VRK2: variants seen among roughly 807,000 people sequenced by gnomAD.
The protein encoded by VRK2 is VRK serine/threonine kinase 2.
Under a neutral mutation model 57.6 loss-of-function variants are expected in VRK2, and 60 were observed. The observed-to-expected ratio is 1.04, with a 90% CI of 0.85 to 1.29. The LOEUF (loss-of-function observed/expected upper bound fraction) is 1.29, where lower values mean the gene tolerates loss of function less well. VRK2 is among the 50% of genes most tolerant of loss of function. VRK2 has a pLI of 0.00. For missense variants in VRK2, 705 were observed against 588.1 expected (o/e 1.20, Z -2.06); for synonymous variants, 231 against 199.2 (o/e 1.16, Z -1.35).
rs1002845192 is a variant in VRK2, at chr2:57,917,833, G to C, written c.-439+9994G>C. Among the ~76,000 whole-genome samples the C allele has an allele frequency of 7.9e-5, 12 of 152,064 alleles. No individual in the cohort carries two copies. The East Asian group carries it at 1.2e-3, about 15-fold the overall frequency. On this transcript the variant is annotated intron_variant, in intron 1 of 15. Coordinates refer to the VRK2 transcript ENST00000417641. The stretch of plus-strand genomic sequence containing the variant: ...CCTATAATATAAAGATCTTTCATAT[G>C]ATAAAGTTTTCTTTATAAAGAGAGA...
At chr2:58,035,167 A>C (rs1363861344) in intron 3 of VRK2, among the ~76,000 whole-genome samples, 1 of 152,046 alleles carries the variant, frequency 6.6e-6, no homozygotes, top group African/African-American at 2.4e-5. Context: ...AAATGCCCCC[A>C]AAGTTTCCTG....
intron 1 of VRK2, among the ~76,000 whole-genome samples, chr2:57,984,295 T>TA (rs1224435701): frequency 6.6e-6 from 1 of 151,554 alleles, no homozygotes; most frequent in Admixed American, 6.6e-5. Context: ...CAAACAACAA[T>TA]AAAAAACACT....
chr2:58,026,059 G>C (rs1432391939), intron 2 of VRK2, among the ~76,000 whole-genome samples: 1 of 152,110 alleles, frequency 6.6e-6, no homozygotes, highest in Non-Finnish European at 1.5e-5. Context: ...TCTACTGGGG[G>C]ATTTTAATAC....
At chr2:57,927,036 C>A (rs1165585905) in intron 1 of VRK2, among the ~76,000 whole-genome samples, 4 of 80,732 alleles carry the variant, frequency 5.0e-5, no homozygotes, top group East Asian at 3.7e-4. Context: ...GTGTGTCTGT[C>A]GTATTTTTTT....
intron 2 of VRK2, among the ~76,000 whole-genome samples, chr2:58,026,084 G>A (rs1673915175): frequency 6.6e-6 from 1 of 152,084 alleles, no homozygotes; most frequent in South Asian, 2.1e-4. Flanking sequence ...ACTATTCCAA[G>A]TCTTCCCTCT....
intron 1 of VRK2, among the ~76,000 whole-genome samples, chr2:57,950,139 A>G (rs187476494): frequency 6.6e-6 from 1 of 152,378 alleles, no homozygotes; most frequent in African/African-American, 2.4e-5. Flanking sequence ...TGGAAGCTAT[A>G]GCAAATTATC....
At chr2:57,936,970 C>G (rs1195007531) in intron 1 of VRK2, among the ~76,000 whole-genome samples, 1 of 152,204 alleles carries the variant, frequency 6.6e-6, no homozygotes, top group African/African-American at 2.4e-5. Context: ...CAGTTTAAAA[C>G]AATATATCTG....
chr2:58,136,755 A>T (rs1680080338), intron 10 of VRK2, among the ~76,000 whole-genome samples: 1 of 148,242 alleles, frequency 6.7e-6, no homozygotes, highest in Non-Finnish European at 1.5e-5. Context: ...GGAAGATGTC[A>T]TTAACATATA....
intron 3 of VRK2, among the ~76,000 whole-genome samples, chr2:58,038,983 A>G (rs1474906993): frequency 6.6e-6 from 1 of 152,168 alleles, no homozygotes; most frequent in Non-Finnish European, 1.5e-5. Context: ...TGATACATCT[A>G]CACTATGGAA....
At chr2:58,107,823 A>T (rs1180268806) in intron 7 of VRK2, among the ~76,000 whole-genome samples, 1 of 152,010 alleles carries the variant, frequency 6.6e-6, no homozygotes, top group African/African-American at 2.4e-5. Context: ...GCCAGCTCCA[A>T]ATGTTTTTCT....
intron 1 of VRK2, among the ~76,000 whole-genome samples, chr2:57,954,408 C>A (rs1244476387): frequency 6.6e-6 from 1 of 152,102 alleles, no homozygotes; most frequent in African/African-American, 2.4e-5. Context: ...GATAGGCTAA[C>A]TGCCCTCCTC....
At chr2:58,113,776 A>C (rs2104427792) in intron 7 of VRK2, among the ~76,000 whole-genome samples, 1 of 152,266 alleles carries the variant, frequency 6.6e-6, no homozygotes, top group East Asian at 1.9e-4. Context: ...CACTTTTGTG[A>C]TTCTTCAGTT....
intron 11 of VRK2, among the ~76,000 whole-genome samples, chr2:58,145,364 T>C (rs1681955828): frequency 6.6e-6 from 1 of 151,838 alleles, no homozygotes; most frequent in Non-Finnish European, 1.5e-5. Context: ...TTAAACTACC[T>C]GCACAAAAAT....
chr2:58,048,271 C>G (rs571893565), intron 1 of VRK2, among the ~76,000 whole-genome samples: 1 of 152,028 alleles, frequency 6.6e-6, no homozygotes, highest in Non-Finnish European at 1.5e-5. Flanking sequence ...AACTGATGGC[C>G]TAGTATTCTG....
At chr2:57,989,446 T>C (rs1210795218) in intron 1 of VRK2, among the ~76,000 whole-genome samples, 1 of 152,220 alleles carries the variant, frequency 6.6e-6, no homozygotes, top group Non-Finnish European at 1.5e-5. Flanking sequence ...TGCTTGGACA[T>C]TTTGACAAAG....
chr2:58,074,249 C>G (rs1173077558), intron 2 of VRK2, among the ~76,000 whole-genome samples: 1 of 152,068 alleles, frequency 6.6e-6, no homozygotes, highest in Non-Finnish European at 1.5e-5. Context: ...CTGTCACTAT[C>G]TGTCTTTTAA....
chr2:58,044,175 G>C (rs1371632193), upstream of VRK2, among the ~76,000 whole-genome samples: 7 of 152,088 alleles, frequency 4.6e-5, no homozygotes, highest in Non-Finnish European at 1.0e-4. Flanking sequence ...TCTAACATTT[G>C]TTGAATATTC....
At chr2:58,119,952 A>T (rs17049352) in intron 7 of VRK2, among the ~76,000 whole-genome samples, 2,980 of 151,696 alleles carry the variant, frequency 0.02, 112 homozygotes, top group African/African-American at 0.068. Flanking sequence ...TGATTATTTG[A>T]ATCCTACCTG....
chr2:57,975,879 T>C (rs922073439), intron 1 of VRK2, among the ~76,000 whole-genome samples: 5 of 151,920 alleles, frequency 3.3e-5, no homozygotes, highest in Non-Finnish European at 5.9e-5. Context: ...GGAGTGAGCA[T>C]AGTATCTGAT....
Sources: allele counts gnomAD v4.1 joint callset (sites outside exome capture counted in the v4.1 genomes callset), GRCh38; gene constraint gnomAD v4.1.1; transcripts MANE v1.5; gene names NCBI Gene and HGNC (gene_info 2026-07-23, HGNC 2026-07-21).